The following DPP10 variants were observed in gnomAD, a reference collection of about 807,000 sequenced individuals.
The protein encoded by DPP10 is dipeptidyl peptidase like 10.
A neutral mutation model predicts 120.9 loss-of-function variants in DPP10; 33 were observed. The ratio of observed to expected loss-of-function variants is 0.27; its 90% CI spans 0.21 to 0.37. The LOEUF (loss-of-function observed/expected upper bound fraction) is 0.37. Among genes scored for constraint, DPP10 ranks in the 10% least tolerant of loss-of-function variants. DPP10 has a pLI of 1.00. For missense variants in DPP10, 816 were observed against 942.8 expected (o/e 0.87, Z 1.76); for synonymous variants, 337 against 326.1 (o/e 1.03, Z -0.36).
intron 2 of DPP10, chr2:115,342,097 T>C: frequency 2.2e-6 from 1 of 451,804 alleles, no homozygotes; most frequent in Non-Finnish European, 4.5e-6. Flanking sequence ...TATGTTTAAG[T>C]GAGGCCTTCT....
At chr2:114,862,600 A>G (rs1037330312) in intron 1 of DPP10, among the ~76,000 whole-genome samples, 2 of 152,216 alleles carry the variant, frequency 1.3e-5, no homozygotes, top group African/African-American at 4.8e-5. Flanking sequence ...CAGACAGAAA[A>G]GTTAAACCTA....
intron 1 of DPP10, among the ~76,000 whole-genome samples, chr2:114,500,692 C>G (rs1320042583): frequency 1.3e-5 from 2 of 152,028 alleles, no homozygotes; most frequent in Non-Finnish European, 2.9e-5. Context: ...AACAAAAAAG[C>G]CAGAAAGAAT....
At chr2:114,589,075 G>A (rs1691246815) in intron 1 of DPP10, among the ~76,000 whole-genome samples, 1 of 151,636 alleles carries the variant, frequency 6.6e-6, no homozygotes, top group South Asian at 2.1e-4. Context: ...TATAAAAACT[G>A]GAAATAAACA....
intron 3 of DPP10, among the ~76,000 whole-genome samples, chr2:115,357,854 T>C (rs573365251): frequency 1.3e-5 from 2 of 152,284 alleles, no homozygotes; most frequent in African/African-American, 2.4e-5. Flanking sequence ...ACCAACACCA[T>C]GTGGAAGCTT....
intron 1 of DPP10, among the ~76,000 whole-genome samples, chr2:114,697,749 CAAAAAA>C (rs1205351658): frequency 1.1e-5 from 1 of 89,070 alleles, no homozygotes. Context: ...GACTCTGTCT[CAAAAAA>C]AAAAAAAAAA....
intron 5 of DPP10, among the ~76,000 whole-genome samples, chr2:115,562,299 T>C (rs1378085371): frequency 6.6e-6 from 1 of 152,190 alleles, no homozygotes; most frequent in Non-Finnish European, 1.5e-5. Flanking sequence ...TCTATTCTAG[T>C]CACCTTCCAA....
At chr2:114,839,052 G>T (rs1453763400) in intron 1 of DPP10, among the ~76,000 whole-genome samples, 1 of 151,830 alleles carries the variant, frequency 6.6e-6, no homozygotes, top group Non-Finnish European at 1.5e-5. Context: ...TCTAATTATA[G>T]AATTTTGACA....
chr2:115,221,697 A>AGC lies in DPP10; in HGVS notation c.61-87542_61-87541insGC, dbSNP rs559092888. ...CACTAGAAGAGATTTTTTCATGGCA[A>AGC]TTAGCCTGGCCATCTTGGGCAAAAT... On this transcript the variant is annotated intron_variant, in intron 1 of 25. Transcript: ENST00000410059. Among the ~76,000 whole-genome samples, 32 of 150,932 alleles carry AGC rather than the reference A, an allele frequency of 2.1e-4. No homozygotes were observed. In the South Asian group the frequency reaches 6.5e-3, roughly 31 times the overall value.
chr2:115,531,322 T>C (rs2078452458), intron 5 of DPP10, among the ~76,000 whole-genome samples: 1 of 152,004 alleles, frequency 6.6e-6, no homozygotes, highest in Admixed American at 6.6e-5. Context: ...TTCTGATGCA[T>C]TCAAGACTGA....
At position 115,787,563 on chromosome 2, in the gene DPP10, A is replaced by G. The variant is rs148720181; in HGVS notation, c.1532-3518A>G. ...ATTTCTTGACACAAATAGAAAAGGA[A>G]TGAAGAAAGTAGAACCTAAATTAAC... On this transcript the variant is annotated intron_variant, in intron 17 of 25. Coordinates refer to ENST00000410059, the MANE Select transcript of DPP10 (RefSeq NM_020868.6). Among the ~76,000 whole-genome samples, 8 of 152,306 alleles carry G rather than the reference A, an allele frequency of 5.3e-5. No homozygotes were observed. In the East Asian group the frequency reaches 9.7e-4, roughly 18 times the overall value.
intron 5 of DPP10, among the ~76,000 whole-genome samples, chr2:115,529,193 A>C (rs1169276711): frequency 6.6e-6 from 1 of 151,772 alleles, no homozygotes; most frequent in Non-Finnish European, 1.5e-5. Flanking sequence ...AGGGAGGCCG[A>C]GAGTTTCACT....
At chr2:114,979,976 T>C (rs896070955) in intron 1 of DPP10, among the ~76,000 whole-genome samples, 3 of 152,152 alleles carry the variant, frequency 2.0e-5, no homozygotes, top group Non-Finnish European at 4.4e-5. Flanking sequence ...GTGTATATTC[T>C]AAGACTTGTT....
chr2:114,544,286 C>T (rs1405331384), intron 1 of DPP10, among the ~76,000 whole-genome samples: 1 of 152,066 alleles, frequency 6.6e-6, no homozygotes, highest in African/African-American at 2.4e-5. Flanking sequence ...GCCAAAAAGC[C>T]CCACGAGGCA....
Position 115,611,642 on chromosome 2 carries a change from A to C in DPP10, c.442-78045A>C, listed in dbSNP as rs2084108594. ...TGTAGCTTACAGAAGAGAATGTTAT[A>C]GAATTATTGCATTTTAGAATCGAAC... On this transcript the variant is annotated intron_variant, in intron 5 of 25. Coordinates refer to ENST00000410059, the MANE Select transcript of DPP10 (RefSeq NM_020868.6). Among the ~76,000 whole-genome samples the C allele has an allele frequency of 2.6e-5, 4 of 152,144 alleles. No individual in the cohort carries two copies. The South Asian group carries it at 8.3e-4, about 32-fold the overall frequency.
intron 17 of DPP10, 93 bp downstream of exon 17, chr2:115,782,492 C>A (rs182563175): frequency 7.2e-6 from 9 of 1,250,272 alleles, no homozygotes; most frequent in Non-Finnish European, 1.0e-5. Context: ...TCTATAAATT[C>A]TTCTTCAAAA....
chr2:114,599,194 ATAATC>A (rs1343806283), intron 1 of DPP10, among the ~76,000 whole-genome samples: 5 of 152,020 alleles, frequency 3.3e-5, no homozygotes, highest in Non-Finnish European at 7.4e-5. Context: ...AGTCAAAAAG[ATAATC>A]TAAAGAAGAG....
intron 1 of DPP10, among the ~76,000 whole-genome samples, chr2:114,737,638 A>G (rs111643825): frequency 5.3e-5 from 8 of 152,336 alleles, no homozygotes; most frequent in African/African-American, 1.9e-4. Context: ...GTCATCCAAC[A>G]GAGTCACATG....
chr2:115,162,712 G>T (rs2052515983), intron 1 of DPP10, among the ~76,000 whole-genome samples: 1 of 152,292 alleles, frequency 6.6e-6, no homozygotes, highest in African/African-American at 2.4e-5. Context: ...GAGGTGCCCT[G>T]CGTGGGCTGA....
chr2:114,743,602 G>A (rs1206587689), intron 1 of DPP10, among the ~76,000 whole-genome samples: 1 of 152,114 alleles, frequency 6.6e-6, no homozygotes, highest in Non-Finnish European at 1.5e-5. Context: ...AGCATCCTTA[G>A]CCTCTCTGTT....
Sources: gnomAD v4.1 joint callset for allele counts (sites outside exome capture counted in the v4.1 genomes callset) on GRCh38, gnomAD v4.1.1 for gene constraint, MANE v1.5 for transcripts, NCBI Gene and HGNC (gene_info 2026-07-23, HGNC 2026-07-21) for gene names.